Variants in POU6F2 observed in about 807,000 individuals in gnomAD.
The protein encoded by POU6F2 is POU domain, class 6, transcription factor 2.
POU6F2 carries 31 observed loss-of-function variants against 71.3 expected under a neutral mutation model. The observed-to-expected ratio is 0.43, with a 90% CI of 0.33 to 0.59. The LOEUF (loss-of-function observed/expected upper bound fraction) is 0.59. POU6F2 is among the 20% of genes least tolerant of loss of function. POU6F2 has a pLI of 0.04. For synonymous variants in POU6F2, 347 were observed against 355.7 expected (o/e 0.98, Z 0.27); for missense variants, 783 against 856.8 (o/e 0.91, Z 1.07).
intron 5 of POU6F2, among the ~76,000 whole-genome samples, chr7:39,357,329 G>A (rs1786281701): frequency 6.6e-6 from 1 of 152,178 alleles, no homozygotes; most frequent in Non-Finnish European, 1.5e-5. Context: ...CATATGCCAG[G>A]CACTGTCCTA....
chr7:39,028,002 T>C (rs575037106), intron 1 of POU6F2, among the ~76,000 whole-genome samples: 5 of 152,218 alleles, frequency 3.3e-5, no homozygotes, highest in Admixed American at 3.3e-4. Flanking sequence ...TTTCCAAGAC[T>C]TGGTATAACC....
intron 2 of POU6F2, among the ~76,000 whole-genome samples, chr7:39,190,485 C>G (rs1584592051): frequency 7.8e-6 from 1 of 128,368 alleles, no homozygotes; most frequent in Admixed American, 8.6e-5. Context: ...ACCCTTAATT[C>G]TAATATTCTA....
chr7:39,443,307 C>G (rs868122739), intron 7 of POU6F2, among the ~76,000 whole-genome samples: 1 of 152,214 alleles, frequency 6.6e-6, no homozygotes, highest in South Asian at 2.1e-4. Flanking sequence ...TCCCAAAGAG[C>G]GGGCTCCCTT....
At chr7:39,199,540 C>T (rs1194572643) in intron 2 of POU6F2, among the ~76,000 whole-genome samples, 2 of 151,962 alleles carry the variant, frequency 1.3e-5, no homozygotes, top group South Asian at 2.1e-4. Context: ...ATGAGGAGTG[C>T]GGTGACAGTT....
intron 2 of POU6F2, among the ~76,000 whole-genome samples, chr7:39,124,854 T>C (rs772246828): frequency 3.3e-5 from 5 of 152,310 alleles, no homozygotes; most frequent in African/African-American, 2.4e-5. Context: ...GAAGCACAGA[T>C]AGATCCTTAA....
intron 2 of POU6F2, among the ~76,000 whole-genome samples, chr7:39,162,136 T>A (rs942384452): frequency 6.6e-6 from 1 of 152,128 alleles, no homozygotes; most frequent in Non-Finnish European, 1.5e-5. Flanking sequence ...TAAGACTGTG[T>A]CTGTAGAACA....
intron 4 of POU6F2, among the ~76,000 whole-genome samples, chr7:39,276,437 C>A (rs1031251408): frequency 6.6e-6 from 1 of 151,954 alleles, no homozygotes; most frequent in Non-Finnish European, 1.5e-5. Context: ...AATAGGAACA[C>A]TTTTACACTG....
At chr7:39,108,422 T>A (rs1279743613) in intron 2 of POU6F2, among the ~76,000 whole-genome samples, 1 of 152,138 alleles carries the variant, frequency 6.6e-6, no homozygotes, top group Non-Finnish European at 1.5e-5. Flanking sequence ...CGACCTCAGC[T>A]GGACTGCTCA....
At chr7:39,414,995 A>G (rs1202891335) in intron 6 of POU6F2, among the ~76,000 whole-genome samples, 2 of 150,160 alleles carry the variant, frequency 1.3e-5, no homozygotes, top group South Asian at 2.1e-4. Context: ...TGGCTGCTGC[A>G]GCGTTTTGTT....
Position 38,978,387 on chromosome 7 carries a change from G to T in POU6F2, c.105+329G>T, listed in dbSNP as rs1008480922. ...TTTGGATTTTGATCTCTGAAAGAAA[G>T]TGCGAGAAGAGAATCAAGTGTGGTT... is the stretch of plus-strand genomic sequence containing the variant. On this transcript the variant is annotated intron_variant, in intron 1 of 9. Transcript: ENST00000518318. Among the ~76,000 whole-genome samples, 226 of 152,210 alleles carry T rather than the reference G, an allele frequency of 1.5e-3. 4 individuals carry two copies. Among genetic ancestry groups the T allele is most frequent in the Non-Finnish European group, 3.1e-4 (21 of 68,030 alleles).
chr7:39,432,158 CT>C (rs1384193851), intron 6 of POU6F2, among the ~76,000 whole-genome samples: 1 of 152,110 alleles, frequency 6.6e-6, no homozygotes, highest in African/African-American at 2.4e-5. Context: ...TTCATGGTGC[CT>C]TTCTCCTTGG....
chr7:39,347,966 T>A (rs1285134454), intron 5 of POU6F2, among the ~76,000 whole-genome samples: 1 of 143,842 alleles, frequency 7.0e-6, no homozygotes, highest in Non-Finnish European at 1.6e-5. Context: ...AGAATTTTTT[T>A]ATTATACTTG....
chr7:39,123,640 T>C (rs1792088356), intron 2 of POU6F2, among the ~76,000 whole-genome samples: 1 of 152,218 alleles, frequency 6.6e-6, no homozygotes, highest in East Asian at 1.9e-4. Context: ...TAAAATACAC[T>C]AACAGCACTT....
chr7:39,338,518 A>G (rs1785834130), intron 4 of POU6F2, among the ~76,000 whole-genome samples: 1 of 152,174 alleles, frequency 6.6e-6, no homozygotes, highest in East Asian at 1.9e-4. Context: ...AACTGGACCA[A>G]GTTGGAAGCC....
chr7:39,145,650 G>T (rs1323349074), intron 2 of POU6F2, among the ~76,000 whole-genome samples: 1 of 152,216 alleles, frequency 6.6e-6, no homozygotes, highest in Non-Finnish European at 1.5e-5. Context: ...GGGGCATTTT[G>T]AGTTCCTTGG....
intron 4 of POU6F2, among the ~76,000 whole-genome samples, chr7:39,214,546 G>A (rs942723528): frequency 6.6e-5 from 10 of 152,182 alleles, no homozygotes; most frequent in African/African-American, 2.4e-4. Flanking sequence ...GAATCTCTGT[G>A]TATGATGTAT....
At chr7:39,247,323 C>T (rs1019124136) in intron 4 of POU6F2, among the ~76,000 whole-genome samples, 3 of 151,830 alleles carry the variant, frequency 2.0e-5, no homozygotes, top group Admixed American at 6.6e-5. Flanking sequence ...ACAAAAATTA[C>T]GTCTGTGATC....
intron 2 of POU6F2, among the ~76,000 whole-genome samples, chr7:39,155,517 A>G (rs1314682500): frequency 1.3e-5 from 2 of 152,182 alleles, no homozygotes; most frequent in Non-Finnish European, 2.9e-5. Context: ...CCATTTAGAA[A>G]AACTCAACTT....
chr7:39,015,033 T>C (rs1789434738), intron 1 of POU6F2, among the ~76,000 whole-genome samples: 1 of 152,038 alleles, frequency 6.6e-6, no homozygotes, highest in South Asian at 2.1e-4. Flanking sequence ...AGATGACCAC[T>C]GAGAATATTT....
Sources: allele counts gnomAD v4.1 joint callset (sites outside exome capture counted in the v4.1 genomes callset), GRCh38; gene constraint gnomAD v4.1.1; transcripts MANE v1.5; gene names NCBI Gene and HGNC (gene_info 2026-07-23, HGNC 2026-07-21).